The following TRIM33 variants were observed in gnomAD, a reference collection of about 807,000 sequenced individuals.
TRIM33 encodes the protein tripartite motif containing 33.
In TRIM33, 20 loss-of-function variants were observed where a neutral mutation model predicts 125.4. That is an observed-to-expected ratio of 0.16 (90% CI 0.11 to 0.23). The LOEUF is 0.23. TRIM33 is among the 10% of genes least tolerant of loss of function. The pLI, the probability that TRIM33 is intolerant of heterozygous loss-of-function variation, is 1.00. For missense variants in TRIM33, 920 were observed against 1,411.4 expected (o/e 0.65, Z 5.58); for synonymous variants, 564 against 513.9 (o/e 1.10, Z -1.32).
intron 1 of TRIM33, among the ~76,000 whole-genome samples, chr1:114,478,413 C>G (rs186801421): frequency 3.7e-4 from 56 of 152,188 alleles, no homozygotes; most frequent in Admixed American, 3.2e-3. Context: ...CAGCAAGCAG[C>G]AGATCAACCA....
At position 114,411,215 on chromosome 1, in the gene TRIM33, G is replaced by GT. The variant is rs112830567; in HGVS notation, c.2062-900dup. The stretch of plus-strand genomic sequence containing the variant: ...GCCACAACGCCTGGCTAATTTTTGT[G>GT]TTTTTTTTTTATAGAGATGGGATTT... On this transcript the variant is annotated intron_variant, in intron 11 of 19. Coordinates refer to ENST00000358465, the MANE Select transcript of TRIM33 (RefSeq NM_015906.4). Among the ~76,000 whole-genome samples, 321 of 146,736 alleles carry GT rather than the reference G, an allele frequency of 2.2e-3. 1 individual carries two copies. The highest frequency in any genetic ancestry group is 4.7e-3 in the African/African-American group (191 of 40,246).
chr1:114,397,695 G>A lies in TRIM33; in HGVS notation c.3337C>T (p.Arg1113Cys), dbSNP rs369526700. 5.6e-6 allele frequency: 9 copies of A among 1,610,308 alleles called. No individual in the cohort carries two copies. The Admixed American group carries it at 6.7e-5, about 12-fold the overall frequency. Residue 1113 changes from arginine to cysteine, a missense_variant, in exon 20 of 20, where the codon CGC (arginine) becomes TGC (cysteine). Physicochemically the swap from Arg to Cys is radical, Grantham distance 180. Coordinates refer to ENST00000358465, the MANE Select transcript of TRIM33 (RefSeq NM_015906.4). ...TCATCTGACTTTAGGCGTTTTCTGC[G>A]GGGCTGTATAAAGTCTTCATCAGAG... The part of the protein sequence containing the change: ...EDSDEDFIQP[R>C]RKRLKSDERP...
chr1:114,421,353 A>T, intron 11 of TRIM33, 83 bp downstream of exon 11: 1 of 1,096,582 alleles, frequency 9.1e-7, no homozygotes, highest in Non-Finnish European at 1.3e-6. Context: ...TCCTGAATTA[A>T]AAAAAAAAAA....
intron 1 of TRIM33, among the ~76,000 whole-genome samples, chr1:114,506,851 T>C (rs781622613): frequency 2.0e-5 from 3 of 152,152 alleles, no homozygotes; most frequent in Non-Finnish European, 4.4e-5. Context: ...TAAATCTGTG[T>C]TCCTCAAAGT....
intron 11 of TRIM33, among the ~76,000 whole-genome samples, chr1:114,413,570 A>AAG (rs201102803): frequency 0.054 from 7,150 of 132,958 alleles, 334 homozygotes; most frequent in African/African-American, 0.072. Context: ...AAAAAAAAAA[A>AAG]AAAGAAAAGA....
At chr1:114,498,789 AAATAGT>A (rs1402823185) in intron 1 of TRIM33, among the ~76,000 whole-genome samples, 1 of 152,202 alleles carries the variant, frequency 6.6e-6, no homozygotes, top group Non-Finnish European at 1.5e-5. Flanking sequence ...GCCAACATCC[AAATAGT>A]AATAGTTCAA....
At chr1:114,468,904 T>A (rs748837397) in intron 1 of TRIM33, 1 of 252,516 alleles carries the variant, frequency 4.0e-6, no homozygotes, top group African/African-American at 2.3e-5. Flanking sequence ...GAAAAGGAAA[T>A]CTGTCATCAA....
At chr1:114,428,999 G>A (rs1052357754) in intron 6 of TRIM33, among the ~76,000 whole-genome samples, 2 of 151,920 alleles carry the variant, frequency 1.3e-5, no homozygotes, top group African/African-American at 4.8e-5. Context: ...TCTTGAAATG[G>A]TTTTACAAAT....
At chr1:114,411,722 A>G (rs1469937423) in intron 11 of TRIM33, among the ~76,000 whole-genome samples, 1 of 152,218 alleles carries the variant, frequency 6.6e-6, no homozygotes, top group Non-Finnish European at 1.5e-5. Context: ...GAAGAGGCAA[A>G]CAGGAAATAC....
Position 114,463,425 on chromosome 1 carries a change from T to C in TRIM33, c.777A>G (p.Lys259=). The C allele has an allele frequency of 1.9e-6, 3 of 1,613,260 alleles. No individual in the cohort carries two copies. Among genetic ancestry groups the C allele is most frequent in the African/African-American group, 1.3e-5 (1 of 75,004 alleles). The stretch of plus-strand genomic sequence containing the variant: ...CATCTATCTTACCTGAGACATCTTC[T>C]TTCTTCCTGATCAAGTGATCTTTAG... ...KFTKDHLIRK[K]EDVSESVGAS... is the part of the protein sequence containing the mutation. The change falls in exon 3 of 20, where the codon AAA becomes AAG. Residue 259 remains lysine, a synonymous_variant. Coordinates refer to ENST00000358465, the MANE Select transcript of TRIM33 (RefSeq NM_015906.4).
At chr1:114,461,948 C>G (rs960075976) in intron 4 of TRIM33, among the ~76,000 whole-genome samples, 1 of 152,160 alleles carries the variant, frequency 6.6e-6, no homozygotes, top group African/African-American at 2.4e-5. Context: ...AAAAGCACTA[C>G]ACCTTTATAT....
chr1:114,407,132 C>A, intron 13 of TRIM33, 32 bp from the exon 14 acceptor site: 2 of 1,579,398 alleles, frequency 1.3e-6, no homozygotes, highest in South Asian at 1.1e-5. Context: ...AGATCACATA[C>A]GTTTGACTAT....
At chr1:114,424,146 G>GT (rs1647395048) in intron 10 of TRIM33, among the ~76,000 whole-genome samples, 1 of 150,504 alleles carries the variant, frequency 6.6e-6, no homozygotes, top group Admixed American at 6.6e-5. Context: ...TAGAGAAAAG[G>GT]TAAAAAAAAA....
chr1:114,476,095 G>C (rs1255877077), intron 1 of TRIM33, among the ~76,000 whole-genome samples: 1 of 151,738 alleles, frequency 6.6e-6, no homozygotes, highest in East Asian at 1.9e-4. Flanking sequence ...AAACATAAAA[G>C]AATGGATGAA....
In TRIM33 at chr1:114,425,726, G is replaced by A; in HGVS notation, c.1421-3C>T. 6.3e-7 allele frequency: 1 copy of A among 1,575,996 alleles called. No homozygotes were observed. The highest frequency in any genetic ancestry group is 8.6e-7 in the Non-Finnish European group (1 of 1,161,050). ...TTTACTCTCTATTACTAGATTACCT[G>A]AAAAATTTAAAAAATGAGAATTTGC... On this transcript the variant is annotated splice_region_variant and splice_polypyrimidine_tract_variant and intron_variant, in intron 8 of 19. Coordinates refer to ENST00000358465, the MANE Select transcript of TRIM33 (RefSeq NM_015906.4).
Position 114,407,033 on chromosome 1 carries a change from T to C in TRIM33, c.2326A>G (p.Lys776Glu). 1 of 1,614,020 alleles carries C rather than the reference T, an allele frequency of 6.2e-7. No homozygotes were observed. ...TCATCTTCAGTCCCAGGTTCTTGCT[T>C]GACCTTCACCTGATCAGATTTGAAA... ...LSFKSDQVKV[K>E]QEPGTEDEIC... is the part of the protein sequence containing the mutation. Residue 776 changes from lysine (K) to glutamate (E), a missense_variant, in exon 14 of 20, where the codon AAG (lysine) becomes GAG (glutamate). Lys to Glu is a moderately conservative substitution (Grantham distance 56). Transcript: ENST00000358465.
At chr1:114,507,918 A>G (rs1397088773) in intron 1 of TRIM33, among the ~76,000 whole-genome samples, 1 of 152,152 alleles carries the variant, frequency 6.6e-6, no homozygotes, top group Non-Finnish European at 1.5e-5. Context: ...GGAGTTCAAG[A>G]CCAGTCTGAC....
chr1:114,408,320 T>C (rs527916558), intron 13 of TRIM33, among the ~76,000 whole-genome samples: 11 of 152,240 alleles, frequency 7.2e-5, no homozygotes, highest in African/African-American at 2.4e-4. Context: ...TCAAAGGCAT[T>C]TGTTGCAAAA....
At chr1:114,477,953 G>GTACAAAAAAAA (rs1265680996) in intron 1 of TRIM33, among the ~76,000 whole-genome samples, 5 of 151,852 alleles carry the variant, frequency 3.3e-5, no homozygotes, top group Admixed American at 3.3e-4. Context: ...CAAAATGAAG[G>GTACAAAAAAAA]TACAAAAAAA....
Sources: gnomAD v4.1 joint callset for allele counts (sites outside exome capture counted in the v4.1 genomes callset) on GRCh38, gnomAD v4.1.1 for gene constraint, MANE v1.5 for transcripts, NCBI Gene and HGNC (gene_info 2026-07-23, HGNC 2026-07-21) for gene names.